The following BNC2 variants were observed in gnomAD, a reference collection of about 807,000 sequenced individuals.
BNC2 encodes the protein zinc finger protein basonuclin-2.
A neutral mutation model predicts 76.3 loss-of-function variants in BNC2; 20 were observed. The ratio of observed to expected loss-of-function variants is 0.26; its 90% CI spans 0.18 to 0.38. The LOEUF (loss-of-function observed/expected upper bound fraction) is 0.38. Among genes scored for constraint, BNC2 ranks in the 10% least tolerant of loss-of-function variants. The pLI is 1.00. For synonymous variants in BNC2, 582 were observed against 514.8 expected, an observed-to-expected ratio of 1.13 and a Z score of -1.77; for missense variants, 1,382 against 1,399.8, an observed-to-expected ratio of 0.99 and a Z score of 0.20.
chr9:16,859,716 C>T (rs955467883), intron 1 of BNC2, among the ~76,000 whole-genome samples: 45 of 152,040 alleles, frequency 3.0e-4, no homozygotes, highest in African/African-American at 1.0e-3. Context: ...AAAAGGTAAA[C>T]GGGAGTTGTT....
intron 5 of BNC2, among the ~76,000 whole-genome samples, chr9:16,480,036 T>C (rs1353756557): frequency 6.6e-6 from 1 of 152,240 alleles, no homozygotes; most frequent in Non-Finnish European, 1.5e-5. Flanking sequence ...GCAAGTACCA[T>C]TCTAAGTTCA....
At chr9:16,754,086 A>C (rs544736030) in intron 1 of BNC2, among the ~76,000 whole-genome samples, 1 of 152,314 alleles carries the variant, frequency 6.6e-6, no homozygotes, top group African/African-American at 2.4e-5. Flanking sequence ...CAGAAAGGGT[A>C]AATTATTAAC....
intron 4 of BNC2, among the ~76,000 whole-genome samples, chr9:16,570,319 A>G (rs574467424): frequency 6.6e-6 from 1 of 152,288 alleles, no homozygotes; most frequent in South Asian, 2.1e-4. Context: ...AATGAATGTC[A>G]CCTTTGTGTC....
In BNC2 at chr9:16,825,971, AGTT is replaced by A. The variant is rs1371700576; in HGVS notation, c.3+44672_3+44674del. 2.6e-5 allele frequency among the ~76,000 whole-genome samples: 4 copies of A among 152,196 alleles called. No homozygotes were observed. In the East Asian group the frequency reaches 7.7e-4, roughly 29 times the overall value. On this transcript the variant is annotated intron_variant, in intron 1 of 6. Coordinates refer to ENST00000380672, the MANE Select transcript of BNC2 (RefSeq NM_017637.6). ...GTTTAATGGTTCCAGGGTTTTTCAA[AGTT>A]CAGGGCAGGTGACACTGGTCTGTTC...
chr9:16,528,296 T>C (rs1309216232), intron 5 of BNC2, among the ~76,000 whole-genome samples: 1 of 151,830 alleles, frequency 6.6e-6, no homozygotes, highest in Non-Finnish European at 1.5e-5. Flanking sequence ...TAACAGCTCT[T>C]GTTTCATGGT....
intron 3 of BNC2, among the ~76,000 whole-genome samples, chr9:16,659,661 T>C (rs181343351): frequency 5.9e-5 from 9 of 152,054 alleles, no homozygotes; most frequent in Admixed American, 1.3e-4. Flanking sequence ...GTCTTTGTCA[T>C]TGTTGTTCTC....
intron 1 of BNC2, among the ~76,000 whole-genome samples, chr9:16,841,817 T>TC (rs1202409005): frequency 1.2e-5 from 1 of 85,600 alleles, no homozygotes; most frequent in Non-Finnish European, 2.2e-5. Flanking sequence ...CAAATTTGTT[T>TC]TTTTTTTTTG....
chr9:16,612,469 C>T (rs370918626), intron 3 of BNC2, among the ~76,000 whole-genome samples: 1 of 152,162 alleles, frequency 6.6e-6, no homozygotes. Flanking sequence ...AATTAAATTC[C>T]CTTAACTGTA....
intron 3 of BNC2, among the ~76,000 whole-genome samples, chr9:16,594,640 AAT>A (rs2133216851): frequency 6.6e-6 from 1 of 152,318 alleles, no homozygotes; most frequent in East Asian, 1.9e-4. Context: ...CTGTAAGACT[AAT>A]AATATCCCAT....
intron 3 of BNC2, among the ~76,000 whole-genome samples, chr9:16,661,615 C>G (rs1482059288): frequency 1.3e-5 from 2 of 152,056 alleles, no homozygotes; most frequent in Admixed American, 6.5e-5. Context: ...ATTTCTATTG[C>G]TTTGGAGACT....
Position 16,699,811 on chromosome 9 carries a change from T to C in BNC2, c.330+27986A>G, listed in dbSNP as rs190382863. 7.2e-5 allele frequency among the ~76,000 whole-genome samples: 11 copies of C among 152,308 alleles called. No individual in the cohort carries two copies. The East Asian group carries it at 1.7e-3, about 24-fold the overall frequency. On this transcript the variant is annotated intron_variant, in intron 3 of 6. Coordinates refer to ENST00000380672, the MANE Select transcript of BNC2 (RefSeq NM_017637.6). ...AATGCAGGTAAATCTAGCTAAAAAG[T>C]CTGGACTCTTCTCACTATATTCATG... is the stretch of plus-strand genomic sequence containing the variant.
rs559690239 is a variant in BNC2, at chr9:16,629,465, G to T, written c.331-46380C>A. Among the ~76,000 whole-genome samples the T allele has an allele frequency of 6.9e-4, 105 of 152,274 alleles. 2 individuals are homozygous for T. In the South Asian group the frequency reaches 0.021, roughly 30 times the overall value. Reference sequence around the variant, plus strand: ...CTTTAATGTTTGTGTGTTTGGGGGAGTTCAGTGCTGGGCTGATCAAGGGCA... The same window carrying T: ...CTTTAATGTTTGTGTGTTTGGGGGATTTCAGTGCTGGGCTGATCAAGGGCA... On this transcript the variant is annotated intron_variant, in intron 3 of 6. Coordinates refer to ENST00000380672, the MANE Select transcript of BNC2 (RefSeq NM_017637.6).
At chr9:16,485,125 C>G (rs12238568) in intron 5 of BNC2, among the ~76,000 whole-genome samples, 4 of 151,822 alleles carry the variant, frequency 2.6e-5, no homozygotes, top group East Asian at 1.9e-4. Flanking sequence ...CACACACACA[C>G]ACACACTATT....
intron 1 of BNC2, among the ~76,000 whole-genome samples, chr9:16,795,615 A>C (rs1817625536): frequency 6.6e-6 from 1 of 152,050 alleles, no homozygotes; most frequent in African/African-American, 2.4e-5. Flanking sequence ...TCCCAGGCTG[A>C]TCCCAGGCTC....
chr9:16,663,625 A>G (rs1243471213), intron 3 of BNC2, among the ~76,000 whole-genome samples: 1 of 152,176 alleles, frequency 6.6e-6, no homozygotes, highest in Non-Finnish European at 1.5e-5. Context: ...CTGTAACTGC[A>G]TTCCGGTGAC....
At chr9:16,441,776 T>C (rs1821133959) in intron 5 of BNC2, among the ~76,000 whole-genome samples, 1 of 152,244 alleles carries the variant, frequency 6.6e-6, no homozygotes, top group African/African-American at 2.4e-5. Flanking sequence ...TTTATTTTTA[T>C]TGTATTTAAC....
intron 3 of BNC2, among the ~76,000 whole-genome samples, chr9:16,692,383 T>G (rs1823198860): frequency 6.6e-6 from 1 of 152,236 alleles, no homozygotes; most frequent in Admixed American, 6.5e-5. Flanking sequence ...TGTTTAAATC[T>G]CTACCGCAAT....
chr9:16,491,411 T>A (rs564016373), intron 5 of BNC2, among the ~76,000 whole-genome samples: 2 of 152,308 alleles, frequency 1.3e-5, no homozygotes, highest in Non-Finnish European at 2.9e-5. Context: ...TGACAAGATC[T>A]GGTAATGACA....
At chr9:16,629,042 T>C (rs188486846) in intron 3 of BNC2, among the ~76,000 whole-genome samples, 4 of 152,356 alleles carry the variant, frequency 2.6e-5, no homozygotes, top group African/African-American at 9.6e-5. Context: ...ATTCTTGACT[T>C]TTCCAAAGTC....
Sources: allele counts gnomAD v4.1 joint callset (sites outside exome capture counted in the v4.1 genomes callset), GRCh38; gene constraint gnomAD v4.1.1; transcripts MANE v1.5; gene names NCBI Gene and HGNC (gene_info 2026-07-23, HGNC 2026-07-21).